Variants in EXOC6 observed in about 807,000 individuals in gnomAD.
EXOC6 encodes the protein SEC15-like 1.
In EXOC6, 60 loss-of-function variants were observed where a neutral mutation model predicts 112.5. That is an observed-to-expected ratio of 0.53 (90% CI 0.43 to 0.66). The LOEUF is 0.66. Ranked by LOEUF, EXOC6 falls within the 30% of genes least tolerant of loss-of-function variation. The probability of loss-of-function intolerance (pLI) is 0.00; values close to 1 mark genes in which losing one functional copy is unlikely to be tolerated. For missense variants in EXOC6, 855 were observed against 957.1 expected (o/e 0.89, Z 1.41); for synonymous variants, 295 against 308.0 (o/e 0.96, Z 0.44).
chr10:93,042,030 T>G (rs1845803347), intron 20 of EXOC6, among the ~76,000 whole-genome samples: 1 of 152,196 alleles, frequency 6.6e-6, no homozygotes, highest in Non-Finnish European at 1.5e-5. Flanking sequence ...GTTTAGAACC[T>G]TTCAATGGCT....
intron 18 of EXOC6, among the ~76,000 whole-genome samples, chr10:92,988,518 C>G (rs1262946837): frequency 6.6e-6 from 1 of 152,128 alleles, no homozygotes; most frequent in East Asian, 1.9e-4. Flanking sequence ...TTCAGTCCAT[C>G]CTATATACCA....
chr10:92,884,290 G>T (rs1469577212), intron 1 of EXOC6, among the ~76,000 whole-genome samples: 1 of 152,180 alleles, frequency 6.6e-6, no homozygotes, highest in East Asian at 1.9e-4. Flanking sequence ...AGGGATTCCT[G>T]AACAATATTT....
intron 15 of EXOC6, among the ~76,000 whole-genome samples, chr10:92,953,064 TTTTTGTTTTTGC>T (rs1220119846): frequency 6.6e-6 from 1 of 152,054 alleles, no homozygotes; most frequent in African/African-American, 2.4e-5. Flanking sequence ...TTTGTGTTTG[TTTTTGTTTTTGC>T]TTTTGTTTTT....
chr10:92,916,161 A>G lies in EXOC6; in HGVS notation c.819+248A>G, dbSNP rs555391660. ...ATCACAATAAATTTTTTGAAACCAT[A>G]GCTTACTGCATCAGCCCTACAAGGA... On this transcript the variant is annotated intron_variant, in intron 7 of 21. Coordinates refer to ENST00000260762, the MANE Select transcript of EXOC6 (RefSeq NM_019053.6). 8.0e-5 allele frequency: 24 copies of G among 300,914 alleles called. 1 individual carries two copies. In the South Asian group the frequency reaches 1.0e-3, roughly 12 times the overall value. 18.6% of individuals were successfully genotyped at this position (300,914 alleles called of 1,614,324 possible).
chr10:92,862,106 C>T (rs529936528), intron 1 of EXOC6, among the ~76,000 whole-genome samples: 1 of 152,284 alleles, frequency 6.6e-6, no homozygotes, highest in East Asian at 1.9e-4. Flanking sequence ...CATTTTTCAT[C>T]ATTACAGAAA....
chr10:92,949,654 G>T (rs1299918253), intron 14 of EXOC6, among the ~76,000 whole-genome samples: 1 of 150,246 alleles, frequency 6.7e-6, no homozygotes, highest in Non-Finnish European at 1.5e-5. Context: ...GTGCAATGGT[G>T]CCATCTCGGC....
At chr10:93,041,278 C>T (rs1826857258) in intron 20 of EXOC6, among the ~76,000 whole-genome samples, 1 of 152,110 alleles carries the variant, frequency 6.6e-6, no homozygotes, top group Admixed American at 6.6e-5. Flanking sequence ...CTGTCTGTCC[C>T]AATGTATTTT....
At chr10:92,835,022 C>G (rs566560421) in intron 1 of EXOC6, among the ~76,000 whole-genome samples, 55 of 152,232 alleles carry the variant, frequency 3.6e-4, no homozygotes, top group African/African-American at 1.3e-3. Flanking sequence ...TGCATGTTTC[C>G]TAACTCATCA....
In EXOC6 at chr10:92,997,571, T is replaced by C; in HGVS notation, c.2051T>C (p.Met684Thr). 1 of 1,613,672 alleles carries C rather than the reference T, an allele frequency of 6.2e-7. No homozygotes were observed. Among genetic ancestry groups the C allele is most frequent in the Non-Finnish European group, 8.5e-7 (1 of 1,179,714 alleles). Residue 684 changes from methionine to threonine, a missense_variant, in exon 19 of 22, where the codon ATG becomes ACG. By Grantham distance (81) the Met-to-Thr change is moderately conservative (BLOSUM62 -1). Transcript: ENST00000260762. ...GACAGTGAGTTAAAACAAATAAGCA[T>C]GGGAGCTGTTCAGCAGTTTAACTTA... ...LLDSELKQISMGAVQQFNLDV... is the reference protein window; with the variant it reads ...LLDSELKQISTGAVQQFNLDV...
intron 6 of EXOC6, among the ~76,000 whole-genome samples, chr10:92,911,932 T>C (rs1321291885): frequency 2.7e-4 from 13 of 47,396 alleles, no homozygotes; most frequent in African/African-American, 9.8e-4. Flanking sequence ...TCTCTCTCTC[T>C]GTGTGCGTGT....
chr10:92,851,080 G>A (rs1347090180), intron 1 of EXOC6, among the ~76,000 whole-genome samples: 3 of 152,124 alleles, frequency 2.0e-5, no homozygotes, highest in Non-Finnish European at 4.4e-5. Flanking sequence ...TGAAAACACA[G>A]CATATCATTT....
At chr10:92,896,101 A>G (rs1284081480) in intron 4 of EXOC6, among the ~76,000 whole-genome samples, 12 of 35,574 alleles carry the variant, frequency 3.4e-4, no homozygotes, top group Admixed American at 5.2e-4. Context: ...ATATGTGTGT[A>G]TATATATGTG....
At chr10:93,053,584 A>G (rs376388609) in intron 20 of EXOC6, among the ~76,000 whole-genome samples, 17 of 152,342 alleles carry the variant, frequency 1.1e-4, no homozygotes, top group Admixed American at 2.6e-4. Context: ...TCACTTCACT[A>G]TATTCACTTG....
chr10:92,872,058 A>G (rs1164416062), intron 1 of EXOC6, among the ~76,000 whole-genome samples: 1 of 151,552 alleles, frequency 6.6e-6, no homozygotes, highest in African/African-American at 2.4e-5. Flanking sequence ...TTTATTTTTA[A>G]TGATTCTTTC....
At chr10:92,844,099 C>T (rs922451071), upstream of EXOC6, among the ~76,000 whole-genome samples, 1 of 147,948 alleles carries the variant, frequency 6.8e-6, no homozygotes, top group Admixed American at 6.8e-5. Context: ...TGCAGTGAGC[C>T]GAGATCGCGC....
At chr10:92,950,189 A>G (rs1397101652) in intron 14 of EXOC6, among the ~76,000 whole-genome samples, 1 of 152,166 alleles carries the variant, frequency 6.6e-6, no homozygotes, top group East Asian at 1.9e-4. Context: ...TAAATCTCAT[A>G]AATTATTTAA....
At chr10:92,977,105 C>T (rs2134107619) in intron 18 of EXOC6, among the ~76,000 whole-genome samples, 1 of 152,076 alleles carries the variant, frequency 6.6e-6, no homozygotes, top group Non-Finnish European at 1.5e-5. Context: ...CTGGAGGTTG[C>T]AAATTATTTT....
intron 21 of EXOC6, 31 bp from the exon 22 acceptor site, chr10:93,058,192 A>G: frequency 3.8e-6 from 6 of 1,581,252 alleles, no homozygotes; most frequent in Non-Finnish European, 5.1e-6. Flanking sequence ...ATTTTCTTTT[A>G]CCAAGCTTCT....
intron 12 of EXOC6, among the ~76,000 whole-genome samples, chr10:92,937,673 G>A (rs1852425539): frequency 6.6e-6 from 1 of 151,960 alleles, no homozygotes; most frequent in Non-Finnish European, 1.5e-5. Flanking sequence ...TACTGATCTC[G>A]CTGCAAGAAA....
Sources: gnomAD v4.1 joint callset for allele counts (sites outside exome capture counted in the v4.1 genomes callset) on GRCh38, gnomAD v4.1.1 for gene constraint, MANE v1.5 for transcripts, NCBI Gene and HGNC (gene_info 2026-07-23, HGNC 2026-07-21) for gene names.